The following ZNF536 variants were observed in gnomAD, a reference collection of about 807,000 sequenced individuals.
ZNF536 encodes zinc finger protein 536.
ZNF536 carries 13 observed loss-of-function variants against 84.5 expected under a neutral mutation model. The observed-to-expected ratio is 0.15, with a 90% CI of 0.10 to 0.24. The LOEUF (loss-of-function observed/expected upper bound fraction) is 0.24, where lower values mean the gene tolerates loss of function less well. ZNF536 is among the 10% of genes least tolerant of loss of function. The pLI is 1.00. For synonymous variants in ZNF536, 811 were observed against 742.5 expected (o/e 1.09, Z -1.50); for missense variants, 1,536 against 1,747.5 (o/e 0.88, Z 2.16).
Position 30,617,333 on chromosome 19 carries a change from C to CT in ZNF536, c.169+67852dup, listed in dbSNP as rs556835599. On this transcript the variant is annotated intron_variant, in intron 1 of 1. Transcript: ENST00000592773. ...GAGTCCACCATATCTGAATAGCTTA[C>CT]TTTTTTTTTTTTTTTTTTTTTTTTT... 4.9e-3 allele frequency among the ~76,000 whole-genome samples: 183 copies of CT among 37,704 alleles called. 43 individuals carry two copies. Among genetic ancestry groups the CT allele is most frequent in the Admixed American group, 0.025 (48 of 1,918 alleles). 24.7% of individuals were successfully genotyped at this position (37,704 alleles called of 152,430 possible). A position where few individuals can be genotyped will look rare whatever the true frequency, so the allele number is the denominator to read the frequency against.
intron 2 of ZNF536, among the ~76,000 whole-genome samples, chr19:30,512,234 C>A (rs906241260): frequency 1.3e-5 from 2 of 152,072 alleles, no homozygotes; most frequent in African/African-American, 4.8e-5. Context: ...CCAATGCCTG[C>A]AAAATTGTTT....
chr19:30,513,219 CA>C (rs1228083875), intron 2 of ZNF536, among the ~76,000 whole-genome samples: 1 of 152,124 alleles, frequency 6.6e-6, no homozygotes, highest in Non-Finnish European at 1.5e-5. Context: ...TGCTCTCTAG[CA>C]ATTAATGGAA....
At chr19:30,705,603 T>C (rs2148033403) in intron 1 of ZNF536, among the ~76,000 whole-genome samples, 1 of 152,264 alleles carries the variant, frequency 6.6e-6, no homozygotes, top group South Asian at 2.1e-4. Context: ...TGTCCAAAGC[T>C]CAAATATGAG....
At chr19:30,694,622 T>C (rs2051574601) in intron 1 of ZNF536, among the ~76,000 whole-genome samples, 1 of 152,202 alleles carries the variant, frequency 6.6e-6, no homozygotes, top group Non-Finnish European at 1.5e-5. Context: ...AAACTGGAAA[T>C]CCATGTTTTA....
At chr19:30,700,080 C>T (rs2051839462) in intron 1 of ZNF536, among the ~76,000 whole-genome samples, 2 of 140,712 alleles carry the variant, frequency 1.4e-5, no homozygotes, top group Non-Finnish European at 3.1e-5. Context: ...CTTCTCTCTC[C>T]CTCTTTCTTT....
At chr19:30,549,802 C>A (rs1273007927) in intron 4 of ZNF536, among the ~76,000 whole-genome samples, 1 of 152,096 alleles carries the variant, frequency 6.6e-6, no homozygotes, top group Admixed American at 6.5e-5. Flanking sequence ...CTCCTGTTTG[C>A]CATCTAGAAC....
intron 1 of ZNF536, among the ~76,000 whole-genome samples, chr19:30,676,528 C>G (rs967358937): frequency 6.6e-6 from 1 of 152,294 alleles, no homozygotes; most frequent in East Asian, 1.9e-4. Context: ...GAAGGTAACA[C>G]AAAATATGAT....
chr19:30,232,284 T>A (rs1025940871), intron 1 of ZNF536, among the ~76,000 whole-genome samples: 14 of 152,174 alleles, frequency 9.2e-5, no homozygotes, highest in African/African-American at 3.1e-4. Flanking sequence ...TAAAAAATAA[T>A]TTTTCAACTT....
At chr19:30,393,238 G>C (rs571504392) in intron 1 of ZNF536, among the ~76,000 whole-genome samples, 20 of 152,114 alleles carry the variant, frequency 1.3e-4, no homozygotes, top group African/African-American at 4.3e-4. Flanking sequence ...GGTTGGGGGC[G>C]GGGGAGAGGA....
chr19:30,679,673 A>G (rs553975317), intron 1 of ZNF536, among the ~76,000 whole-genome samples: 10 of 152,324 alleles, frequency 6.6e-5, no homozygotes, highest in African/African-American at 2.2e-4. Context: ...GGTCAAAGGC[A>G]GGTGCGTGTC....
chr19:30,306,185 A>C (rs1600154246), intron 2 of ZNF536, among the ~76,000 whole-genome samples: 1 of 141,628 alleles, frequency 7.1e-6, no homozygotes, highest in South Asian at 2.3e-4. Context: ...CATTCCCTGG[A>C]GAGAATTTTT....
In ZNF536 at chr19:30,578,125, T is replaced by G. The variant is rs530381226; in HGVS notation, c.169+28611T>G. Among the ~76,000 whole-genome samples the G allele has an allele frequency of 2.3e-4, 35 of 152,304 alleles. No individual in the cohort carries two copies. The South Asian group carries it at 5.2e-3, about 23-fold the overall frequency. On this transcript the variant is annotated intron_variant, in intron 1 of 1. Transcript: ENST00000592773. ...ACCCTGTATCCTATTTACTTGCAAA[T>G]AAATCAGCTCTCTAAATAAAATTGT...
chr19:30,387,990 G>A (rs1394357062), intron 1 of ZNF536, among the ~76,000 whole-genome samples: 1 of 151,926 alleles, frequency 6.6e-6, no homozygotes, highest in South Asian at 2.1e-4. Flanking sequence ...TGGTCCATAG[G>A]TGGAGCCCCT....
chr19:30,366,846 C>T (rs982801505), intron 3 of ZNF536, among the ~76,000 whole-genome samples: 1 of 152,184 alleles, frequency 6.6e-6, no homozygotes, highest in Non-Finnish European at 1.5e-5. Context: ...TTTGTTAGGG[C>T]AAATGCCACA....
intron 2 of ZNF536, among the ~76,000 whole-genome samples, chr19:30,491,231 G>C (rs539496133): frequency 4.6e-5 from 7 of 152,082 alleles, no homozygotes; most frequent in Non-Finnish European, 1.0e-4. Context: ...TAAGAGAAGC[G>C]ACTTTCAGAA....
intron 1 of ZNF536, among the ~76,000 whole-genome samples, chr19:30,400,557 T>C (rs998516160): frequency 2.0e-5 from 3 of 152,168 alleles, no homozygotes; most frequent in African/African-American, 7.2e-5. Flanking sequence ...GAGTTGAGTT[T>C]TGAGGGGTTT....
intron 1 of ZNF536, among the ~76,000 whole-genome samples, chr19:30,421,639 G>A (rs1043619750): frequency 2.0e-5 from 3 of 152,130 alleles, no homozygotes; most frequent in African/African-American, 4.8e-5. Flanking sequence ...CTGGGATTTC[G>A]GGCGTGAGCC....
At chr19:30,679,638 T>A (rs2050889293) in intron 1 of ZNF536, among the ~76,000 whole-genome samples, 1 of 152,142 alleles carries the variant, frequency 6.6e-6, no homozygotes, top group Non-Finnish European at 1.5e-5. Flanking sequence ...GATCCTACTG[T>A]GGCTGCAGGA....
At chr19:30,260,176 A>C (rs1457840108) in intron 1 of ZNF536, among the ~76,000 whole-genome samples, 1 of 152,238 alleles carries the variant, frequency 6.6e-6, no homozygotes, top group East Asian at 1.9e-4. Flanking sequence ...TCCGATGTCT[A>C]AAATGTGTTT....
Sources: gnomAD v4.1 joint callset for allele counts (sites outside exome capture counted in the v4.1 genomes callset) on GRCh38, gnomAD v4.1.1 for gene constraint, MANE v1.5 for transcripts, NCBI Gene and HGNC (gene_info 2026-07-23, HGNC 2026-07-21) for gene names.